The following PRKN variants were observed in gnomAD, a reference collection of about 807,000 sequenced individuals.
PRKN encodes the protein E3 ubiquitin-protein ligase parkin.
In PRKN, 56 loss-of-function variants were observed where a neutral mutation model predicts 59.5. That is an observed-to-expected ratio of 0.94 (90% confidence interval 0.76 to 1.18). PRKN has a LOEUF of 1.18. Ranked by LOEUF, PRKN falls within the 50% of genes most tolerant of loss-of-function variation. The pLI, the probability that PRKN is intolerant of heterozygous loss-of-function variation, is 0.00. For synonymous variants in PRKN, 250 were observed against 222.1 expected (o/e 1.13, Z -1.12); for missense variants, 657 against 596.4 (o/e 1.10, Z -1.06).
intron 2 of PRKN, among the ~76,000 whole-genome samples, chr6:162,388,619 CAG>C (rs977604087): frequency 6.6e-6 from 1 of 152,060 alleles, no homozygotes; most frequent in Non-Finnish European, 1.5e-5. Flanking sequence ...GTGGAGCTTT[CAG>C]AGGTCTCCAA....
intron 1 of PRKN, among the ~76,000 whole-genome samples, chr6:162,493,898 T>C (rs767234046): frequency 5.9e-5 from 9 of 152,334 alleles, no homozygotes; most frequent in Non-Finnish European, 7.4e-5. Flanking sequence ...AGGCTTTGAC[T>C]GGACTTCCCC....
chr6:161,885,228 A>T (rs1223974972), intron 6 of PRKN, among the ~76,000 whole-genome samples: 1 of 152,110 alleles, frequency 6.6e-6, no homozygotes, highest in Admixed American at 6.5e-5. Context: ...AAGGCATTCA[A>T]TCTGCTTCTT....
At chr6:162,622,776 T>C (rs1270083031) in intron 1 of PRKN, among the ~76,000 whole-genome samples, 1 of 152,160 alleles carries the variant, frequency 6.6e-6, no homozygotes, top group Admixed American at 6.5e-5. Context: ...ACTCAGAACA[T>C]TCTGTGGGTT....
chr6:162,441,328 C>T (rs1305060027), intron 2 of PRKN, among the ~76,000 whole-genome samples: 1 of 152,050 alleles, frequency 6.6e-6, no homozygotes, highest in Admixed American at 6.6e-5. Flanking sequence ...TTTGTCCAAT[C>T]TTCAACATCT....
intron 7 of PRKN, among the ~76,000 whole-genome samples, chr6:161,771,573 A>G: frequency 6.6e-6 from 1 of 152,082 alleles, no homozygotes; most frequent in Non-Finnish European, 1.5e-5. Flanking sequence ...CTATAAATAT[A>G]TAATTCCAAG....
rs142973033 is a variant in PRKN at position 161,902,724 on chromosome 6, T to G, written c.734+70578A>C. Among the ~76,000 whole-genome samples the G allele has an allele frequency of 1.2e-3, 175 of 152,078 alleles. 1 individual carries two copies. The East Asian group carries it at 0.031, about 27-fold the overall frequency. The stretch of plus-strand genomic sequence containing the variant: ...TACAGGAGCCTGCCACCACGCCTAA[T>G]TTTTGTAATTTGAGTAGAGACTGAG... On this transcript the variant is annotated intron_variant, in intron 6 of 11. Transcript: ENST00000366898.
chr6:162,232,985 T>TG (rs1359440579), intron 3 of PRKN, among the ~76,000 whole-genome samples: 4 of 152,138 alleles, frequency 2.6e-5, no homozygotes, highest in Non-Finnish European at 5.9e-5. Context: ...CACACCAGCA[T>TG]AAAAGTGTGT....
chr6:161,924,754 G>T (rs564704183), intron 6 of PRKN, among the ~76,000 whole-genome samples: 1 of 152,260 alleles, frequency 6.6e-6, no homozygotes, highest in Admixed American at 6.5e-5. Flanking sequence ...AAAAAAATGA[G>T]GGAATTAATT....
intron 1 of PRKN, among the ~76,000 whole-genome samples, chr6:162,617,516 G>T (rs573121387): frequency 1.3e-4 from 20 of 152,270 alleles, no homozygotes; most frequent in Admixed American, 2.0e-4. Context: ...ACAGGCATGA[G>T]TCACCATGCC....
intron 7 of PRKN, among the ~76,000 whole-genome samples, chr6:161,597,609 ACT>A (rs369845601): frequency 7.1e-4 from 105 of 147,884 alleles, no homozygotes; most frequent in Admixed American, 7.4e-4. Flanking sequence ...TCCACCCCCG[ACT>A]CTCTCTCTCT....
intron 4 of PRKN, among the ~76,000 whole-genome samples, chr6:162,200,079 G>C (rs1784657903): frequency 6.6e-6 from 1 of 152,164 alleles, no homozygotes. Context: ...CCGTCAGCTT[G>C]CAGAATAGAA....
rs1174302901 is a variant in PRKN at position 162,727,709 on chromosome 6, C to A, written c.-41G>T. ...GGCGGCTGCGGGCCAGGAACAGGCC[C>A]ATGCGCGCAGCGGCGCCAGCCGCGC... On this transcript the variant is annotated 5_prime_UTR_variant, in exon 1 of 12. An upstream start codon of the reference 5' UTR is lost. Transcript: ENST00000366898. The A allele has an allele frequency of 2.6e-6, 4 of 1,558,018 alleles. No homozygotes were observed. Among genetic ancestry groups the A allele is most frequent in the East Asian group, 4.9e-5 (2 of 41,210 alleles).
intron 2 of PRKN, among the ~76,000 whole-genome samples, chr6:162,375,730 A>G (rs117630269): frequency 0.018 from 2,441 of 131,960 alleles, 40 homozygotes; most frequent in Non-Finnish European, 0.029. Flanking sequence ...ATCTGATACA[A>G]ATATGGCTTT....
At chr6:161,968,905 T>C (rs144278383) in intron 6 of PRKN, among the ~76,000 whole-genome samples, 4 of 152,344 alleles carry the variant, frequency 2.6e-5, no homozygotes, top group Admixed American at 2.0e-4. Flanking sequence ...CAGATCTGTT[T>C]TGTAGACTTT....
At chr6:161,833,088 C>T (rs540385613) in intron 6 of PRKN, among the ~76,000 whole-genome samples, 3 of 152,132 alleles carry the variant, frequency 2.0e-5, no homozygotes, top group South Asian at 2.1e-4. Flanking sequence ...GACAATGCAA[C>T]GTCTACTGTG....
chr6:161,896,877 A>G (rs2051347094), intron 6 of PRKN, among the ~76,000 whole-genome samples: 1 of 152,222 alleles, frequency 6.6e-6, no homozygotes, highest in Non-Finnish European at 1.5e-5. Context: ...ATAATATAAT[A>G]TTCAGAGGAC....
intron 6 of PRKN, among the ~76,000 whole-genome samples, chr6:161,791,163 A>G (rs1790622809): frequency 6.6e-6 from 1 of 152,232 alleles, no homozygotes; most frequent in Non-Finnish European, 1.5e-5. Flanking sequence ...TCTCAATTAT[A>G]TATAAAAAGA....
At chr6:162,463,624 G>T (rs537467949) in intron 1 of PRKN, among the ~76,000 whole-genome samples, 1 of 152,200 alleles carries the variant, frequency 6.6e-6, no homozygotes, top group African/African-American at 2.4e-5. Context: ...GGGGCCTGGA[G>T]ATGTTGACAA....
chr6:161,739,284 T>C (rs1788093115), intron 7 of PRKN, among the ~76,000 whole-genome samples: 1 of 152,044 alleles, frequency 6.6e-6, no homozygotes, highest in African/African-American at 2.4e-5. Flanking sequence ...GGCGTATGCA[T>C]GTAATCCCAG....
Sources: gnomAD v4.1 joint callset for allele counts (sites outside exome capture counted in the v4.1 genomes callset) on GRCh38, gnomAD v4.1.1 for gene constraint, MANE v1.5 for transcripts, NCBI Gene and HGNC (gene_info 2026-07-23, HGNC 2026-07-21) for gene names.